The following HECW2 variants were observed in gnomAD, a reference collection of about 807,000 sequenced individuals.
The protein encoded by HECW2 is HECT, C2 and WW domain containing E3 ubiquitin protein ligase 2.
Under a neutral mutation model 175.2 loss-of-function variants are expected in HECW2, and 61 were observed. The ratio of observed to expected loss-of-function variants is 0.35; its 90% CI spans 0.28 to 0.43. The LOEUF (loss-of-function observed/expected upper bound fraction) is 0.43. Among genes scored for constraint, HECW2 ranks in the 20% least tolerant of loss-of-function variants. The pLI is 1.00. For missense variants in HECW2, 1,524 were observed against 2,000.5 expected, an observed-to-expected ratio of 0.76 and a Z score of 4.54; for synonymous variants, 671 against 731.0, an observed-to-expected ratio of 0.92 and a Z score of 1.32.
At position 196,195,957 on chromosome 2, in the gene HECW2, G is replaced by A. The variant is rs1686672169; in HGVS notation, c.*5320C>T. ...AACTGTGCCTTCATCAGGGAGCATA[G>A]CTTTCTTCTTCTCAGTCTGAAACCA... On this transcript the variant is annotated 3_prime_UTR_variant, in exon 29 of 29. Coordinates refer to ENST00000644978, the MANE Select transcript of HECW2 (RefSeq NM_001348768.2). The A allele has an allele frequency of 6.6e-6, 1 of 152,142 alleles. No homozygotes were observed. Among genetic ancestry groups the A allele is most frequent in the Non-Finnish European group, 1.5e-5 (1 of 68,038 alleles). 9.4% of individuals were successfully genotyped at this position (152,142 alleles called of 1,614,324 possible). A position where few individuals can be genotyped will look rare whatever the true frequency, so the allele number is the denominator to read the frequency against.
At chr2:196,330,751 C>T (rs1003704563) in intron 4 of HECW2, among the ~76,000 whole-genome samples, 16 of 152,216 alleles carry the variant, frequency 1.1e-4, no homozygotes, top group Middle Eastern at 6.8e-3. Context: ...TCCCCCTAAG[C>T]TCTTGGTAAA....
chr2:196,471,638 T>C (rs1435457539), intron 1 of HECW2, among the ~76,000 whole-genome samples: 1 of 152,070 alleles, frequency 6.6e-6, no homozygotes, highest in Non-Finnish European at 1.5e-5. Context: ...GGCAGCCATA[T>C]AAAAGAATGA....
intron 1 of HECW2, among the ~76,000 whole-genome samples, chr2:196,516,447 A>C (rs950582922): frequency 6.6e-6 from 1 of 152,146 alleles, no homozygotes; most frequent in Non-Finnish European, 1.5e-5. Flanking sequence ...TGTAATTATA[A>C]TTTTTGTAAT....
intron 1 of HECW2, among the ~76,000 whole-genome samples, chr2:196,572,410 T>C (rs1690419329): frequency 6.6e-6 from 1 of 152,134 alleles, no homozygotes; most frequent in Admixed American, 6.5e-5. Context: ...CTCAAACTCA[T>C]GGGCTCAGGC....
In HECW2 at chr2:196,546,584, C is replaced by T. The variant is rs368935767; in HGVS notation, c.-36+46924G>A. On this transcript the variant is annotated intron_variant, in intron 1 of 28. Transcript: ENST00000644978. ...GTTTTTAACCTTTGCAAAATGTATCCTGCAACCCTGGCTACAACTATCTGG... is the reference window on the plus strand; with the variant it reads ...GTTTTTAACCTTTGCAAAATGTATCTTGCAACCCTGGCTACAACTATCTGG... Among the ~76,000 whole-genome samples the T allele has an allele frequency of 3.9e-5, 6 of 152,250 alleles. No homozygotes were observed. The East Asian group carries it at 1.2e-3, about 29-fold the overall frequency.
chr2:196,222,353 A>G lies in HECW2; in HGVS notation c.4017-13T>C, dbSNP rs1359800010. On this transcript the variant is annotated splice_polypyrimidine_tract_variant and intron_variant, in intron 23 of 28. Coordinates refer to ENST00000644978, the MANE Select transcript of HECW2 (RefSeq NM_001348768.2). ...CAGGTCACATAGACTAAGATGACAA[A>G]CAGACAGAAACAAATATGTAGGCAT... 6.2e-7 allele frequency: 1 copy of G among 1,611,402 alleles called. No homozygotes were observed. Among genetic ancestry groups the G allele is most frequent in the Admixed American group, 1.7e-5 (1 of 59,662 alleles).
At chr2:196,300,642 TAA>T (rs1405087170) in intron 13 of HECW2, among the ~76,000 whole-genome samples, 2 of 152,218 alleles carry the variant, frequency 1.3e-5, no homozygotes, top group Non-Finnish European at 2.9e-5. Flanking sequence ...TTGTAAATTA[TAA>T]GTCAGGAAGT....
intron 2 of HECW2, among the ~76,000 whole-genome samples, chr2:196,400,230 C>T (rs559671041): frequency 6.6e-6 from 1 of 152,278 alleles, no homozygotes; most frequent in African/African-American, 2.4e-5. Context: ...ATTCTTGAGG[C>T]CTTTCCAAAA....
intron 2 of HECW2, among the ~76,000 whole-genome samples, chr2:196,400,835 A>G (rs1287364477): frequency 2.0e-5 from 3 of 150,434 alleles, no homozygotes; most frequent in Non-Finnish European, 3.0e-5. Flanking sequence ...AAAAAAAAAG[A>G]GCTAAAATAA....
At chr2:196,527,187 G>A (rs892182112) in intron 1 of HECW2, among the ~76,000 whole-genome samples, 8 of 152,240 alleles carry the variant, frequency 5.3e-5, no homozygotes, top group Admixed American at 1.3e-4. Context: ...GTGGTGCGCC[G>A]TTTTTTAAGC....
chr2:196,267,735 T>C (rs371998149), intron 17 of HECW2, among the ~76,000 whole-genome samples: 1 of 152,170 alleles, frequency 6.6e-6, no homozygotes, highest in African/African-American at 2.4e-5. Context: ...ACTAAATGAA[T>C]TGCCTGCTAT....
intron 2 of HECW2, among the ~76,000 whole-genome samples, chr2:196,376,328 C>T (rs1259229751): frequency 6.6e-6 from 1 of 152,132 alleles, no homozygotes; most frequent in African/African-American, 2.4e-5. Flanking sequence ...AACAACAAAA[C>T]ATAAATTAAA....
In HECW2 at chr2:196,491,963, A is replaced by C. The variant is rs369344204; in HGVS notation, c.-35-58505T>G. On this transcript the variant is annotated intron_variant, in intron 1 of 28. Coordinates refer to ENST00000644978, the MANE Select transcript of HECW2 (RefSeq NM_001348768.2). ...CATTTAAAGTGAATATAATAGTGAC[A>C]GAACAAAAAGAGAAACAATTTTGTA... 2.6e-5 allele frequency among the ~76,000 whole-genome samples: 4 copies of C among 152,332 alleles called. No homozygotes were observed. In the South Asian group the frequency reaches 8.3e-4, roughly 32 times the overall value.
intron 10 of HECW2, among the ~76,000 whole-genome samples, chr2:196,315,035 G>C (rs1360183342): frequency 6.6e-6 from 1 of 150,948 alleles, no homozygotes; most frequent in Non-Finnish European, 1.5e-5. Context: ...ACATGGGAAT[G>C]GGAGACAGAG....
chr2:196,569,980 T>C (rs912259114), intron 1 of HECW2, among the ~76,000 whole-genome samples: 6 of 152,172 alleles, frequency 3.9e-5, no homozygotes, highest in Non-Finnish European at 8.8e-5. Flanking sequence ...TGCGCTATGA[T>C]CACACCTGTG....
At chr2:196,475,183 T>C (rs1394528857) in intron 1 of HECW2, among the ~76,000 whole-genome samples, 1 of 152,084 alleles carries the variant, frequency 6.6e-6, no homozygotes, top group Non-Finnish European at 1.5e-5. Flanking sequence ...CTTATAGAGT[T>C]GAACAGTTCT....
chr2:196,522,078 A>G (rs1056595031), intron 1 of HECW2, among the ~76,000 whole-genome samples: 1 of 152,172 alleles, frequency 6.6e-6, no homozygotes, highest in African/African-American at 2.4e-5. Context: ...ACAATGGTTG[A>G]ACTAGTTTAC....
chr2:196,272,926 T>C (rs938302900), intron 16 of HECW2, among the ~76,000 whole-genome samples: 5 of 152,092 alleles, frequency 3.3e-5, no homozygotes, highest in East Asian at 1.9e-4. Context: ...ACTTCAACCC[T>C]ACATTTCTTC....
At chr2:196,466,220 TAA>T (rs1696947093) in intron 1 of HECW2, among the ~76,000 whole-genome samples, 1 of 152,156 alleles carries the variant, frequency 6.6e-6, no homozygotes, top group Non-Finnish European at 1.5e-5. Flanking sequence ...GAGATTTGAA[TAA>T]AGAGTTGGAA....
Sources: allele counts gnomAD v4.1 joint callset (sites outside exome capture counted in the v4.1 genomes callset), GRCh38; gene constraint gnomAD v4.1.1; transcripts MANE v1.5; gene names NCBI Gene and HGNC (gene_info 2026-07-23, HGNC 2026-07-21).